PDE11A: variants seen among roughly 807,000 people sequenced by gnomAD.
PDE11A encodes the protein dual 3',5'-cyclic-AMP and -GMP phosphodiesterase 11A.
Under a neutral mutation model 100.5 loss-of-function variants are expected in PDE11A, and 100 were observed. The observed-to-expected ratio is 1.00, with a 90% confidence interval of 0.85 to 1.18. PDE11A has a LOEUF of 1.18. Ranked by LOEUF, PDE11A falls within the 50% of genes most tolerant of loss-of-function variation. PDE11A has a pLI of 0.00. For synonymous variants in PDE11A, 381 were observed against 420.8 expected (o/e 0.91, Z 1.16); for missense variants, 1,141 against 1,152.6 (o/e 0.99, Z 0.15).
Position 177,669,521 on chromosome 2 carries a change from T to A in PDE11A, c.2534A>T (p.Glu845Val), listed in dbSNP as rs142433460. ...AGGAGTGAGTTTGAGCTCTAATCTC[T>A]CCCGATCTCCTTGTTCGAAGAACTC... Reference protein sequence around the residue: ...TSEFFEQGDRERLELKLTPSA... With the variant: ...TSEFFEQGDRVRLELKLTPSA... Residue 845 changes from glutamate (E) to valine (V), a missense_variant, in exon 18 of 20, where the codon GAG (glutamate) becomes GTG (valine). Glu to Val is a moderately radical substitution (Grantham distance 121). Coordinates refer to ENST00000286063, the MANE Select transcript of PDE11A (RefSeq NM_016953.4). 4.4e-5 allele frequency: 64 copies of A among 1,446,778 alleles called. No individual in the cohort carries two copies. The East Asian group carries it at 1.3e-3, about 30-fold the overall frequency. 89.6% of individuals were successfully genotyped at this position (1,446,778 alleles called of 1,614,324 possible). A position where few individuals can be genotyped will look rare whatever the true frequency, so the allele number is the denominator to read the frequency against.
chr2:177,692,450 T>A (rs1256742689), intron 15 of PDE11A, among the ~76,000 whole-genome samples: 2 of 152,218 alleles, frequency 1.3e-5, no homozygotes, highest in Non-Finnish European at 2.9e-5. Flanking sequence ...CTCTTTTCAC[T>A]GCCACAAGGA....
intron 4 of PDE11A, among the ~76,000 whole-genome samples, chr2:177,894,361 A>G (rs1255639489): frequency 6.6e-6 from 1 of 152,176 alleles, no homozygotes; most frequent in African/African-American, 2.4e-5. Flanking sequence ...CTTCTGGAAT[A>G]ATACTGAGCA....
chr2:178,077,574 C>T (rs149002553), upstream of PDE11A, among the ~76,000 whole-genome samples: 65 of 152,236 alleles, frequency 4.3e-4, no homozygotes, highest in Non-Finnish European at 8.2e-4. Context: ...ACATAACAAA[C>T]GTAAAAATGG....
chr2:177,741,742 A>C (rs965702861), intron 10 of PDE11A, among the ~76,000 whole-genome samples: 2 of 152,234 alleles, frequency 1.3e-5, no homozygotes, highest in African/African-American at 4.8e-5. Context: ...ATGATACATC[A>C]AGTCCAAGTT....
At position 177,779,107 on chromosome 2, in the gene PDE11A, G is replaced by C. The variant is rs558645153; in HGVS notation, c.1738-9734C>G. On this transcript the variant is annotated intron_variant, in intron 9 of 19. Transcript: ENST00000286063. ...TTAAAGTGAGTTACATACGTTTTTT[G>C]GTTTCCCAGTGCATATAAAAGTTAT... 2.0e-5 allele frequency among the ~76,000 whole-genome samples: 3 copies of C among 152,102 alleles called. No homozygotes were observed. The East Asian group carries it at 5.8e-4, about 29-fold the overall frequency.
At chr2:178,029,530 T>C (rs1447482985) in intron 1 of PDE11A, among the ~76,000 whole-genome samples, 1 of 152,096 alleles carries the variant, frequency 6.6e-6, no homozygotes, top group Non-Finnish European at 1.5e-5. Context: ...TTAAAGGTTC[T>C]GTTGTAAATG....
At chr2:177,739,287 G>A (rs1476173484) in intron 10 of PDE11A, among the ~76,000 whole-genome samples, 2 of 152,184 alleles carry the variant, frequency 1.3e-5, no homozygotes, top group Admixed American at 6.5e-5. Flanking sequence ...CCAGTGAAGG[G>A]TGAAACTGGA....
At chr2:177,842,220 C>T (rs903017547) in intron 5 of PDE11A, among the ~76,000 whole-genome samples, 3 of 152,086 alleles carry the variant, frequency 2.0e-5, no homozygotes, top group Non-Finnish European at 2.9e-5. Context: ...TGGGAAGCAG[C>T]GCTGCAGCAG....
At chr2:177,831,295 C>A (rs911596551) in intron 6 of PDE11A, among the ~76,000 whole-genome samples, 10 of 152,210 alleles carry the variant, frequency 6.6e-5, no homozygotes, top group Non-Finnish European at 1.5e-4. Flanking sequence ...CCCTTTGTAG[C>A]TCCTATCAAA....
chr2:178,079,867 G>T (rs1451976426), intron 2 of PDE11A, among the ~76,000 whole-genome samples: 2 of 152,140 alleles, frequency 1.3e-5, no homozygotes, highest in African/African-American at 4.8e-5. Context: ...GTATCTCATT[G>T]TGGTTTTCAT....
chr2:177,967,052 G>A (rs2085707035), intron 2 of PDE11A, among the ~76,000 whole-genome samples: 1 of 151,880 alleles, frequency 6.6e-6, no homozygotes, highest in South Asian at 2.1e-4. Flanking sequence ...TCTGTTCATG[G>A]TTTCAATTGT....
chr2:178,086,250 AG>A (rs1273517743), intron 2 of PDE11A, among the ~76,000 whole-genome samples: 1 of 152,236 alleles, frequency 6.6e-6, no homozygotes, highest in Non-Finnish European at 1.5e-5. Context: ...GTAAGCTTCC[AG>A]GTCTTCTTAA....
chr2:178,044,124 A>G (rs559406553), intron 1 of PDE11A, among the ~76,000 whole-genome samples: 6 of 152,264 alleles, frequency 3.9e-5, no homozygotes, highest in African/African-American at 1.2e-4. Flanking sequence ...CTATGATTAA[A>G]TATATTAGCA....
At chr2:177,871,142 T>C (rs2084124039) in intron 5 of PDE11A, among the ~76,000 whole-genome samples, 1 of 152,178 alleles carries the variant, frequency 6.6e-6, no homozygotes, top group Non-Finnish European at 1.5e-5. Flanking sequence ...CACCTTTTCT[T>C]TTGTGCATCC....
At chr2:177,708,834 G>A (rs2105421045) in intron 13 of PDE11A, among the ~76,000 whole-genome samples, 1 of 152,288 alleles carries the variant, frequency 6.6e-6, no homozygotes, top group East Asian at 1.9e-4. Flanking sequence ...AAATAAGAAG[G>A]GAAGACACAT....
chr2:177,898,657 T>C (rs1293194562), intron 3 of PDE11A, among the ~76,000 whole-genome samples: 4 of 152,180 alleles, frequency 2.6e-5, no homozygotes, highest in Admixed American at 2.6e-4. Flanking sequence ...TTGATCTTCA[T>C]TACAGATTAA....
intron 5 of PDE11A, among the ~76,000 whole-genome samples, chr2:177,865,776 T>C (rs532891620): frequency 6.6e-6 from 1 of 152,292 alleles, no homozygotes; most frequent in South Asian, 2.1e-4. Flanking sequence ...TATAATTCCA[T>C]TTATAAGAAA....
chr2:177,927,504 T>C (rs12995449), intron 2 of PDE11A, among the ~76,000 whole-genome samples: 1 of 152,160 alleles, frequency 6.6e-6, no homozygotes, highest in Non-Finnish European at 1.5e-5. Context: ...TTGGTTCACA[T>C]TGTCAAAGGT....
At chr2:178,102,229 C>A (rs898181930) in intron 2 of PDE11A, among the ~76,000 whole-genome samples, 1 of 151,788 alleles carries the variant, frequency 6.6e-6, no homozygotes, top group East Asian at 1.9e-4. Context: ...TGGGTTCAAG[C>A]GATTCTCCTG....
Sources: gnomAD v4.1 joint callset for allele counts (sites outside exome capture counted in the v4.1 genomes callset) on GRCh38, gnomAD v4.1.1 for gene constraint, MANE v1.5 for transcripts, NCBI Gene and HGNC (gene_info 2026-07-23, HGNC 2026-07-21) for gene names.